AGBL4: variants seen among roughly 807,000 people sequenced by gnomAD.
AGBL4 encodes cytosolic carboxypeptidase 6.
Under a neutral mutation model 66.4 loss-of-function variants are expected in AGBL4, and 58 were observed. That is an observed-to-expected ratio of 0.87 (90% confidence interval 0.71 to 1.09). The LOEUF is 1.09. AGBL4 is among the 50% of genes least tolerant of loss of function. The probability of loss-of-function intolerance (pLI) is 0.00; values close to 1 mark genes in which losing one functional copy is unlikely to be tolerated. For missense variants in AGBL4, 579 were observed against 631.0 expected, an observed-to-expected ratio of 0.92 and a Z score of 0.88; for synonymous variants, 234 against 222.9, an observed-to-expected ratio of 1.05 and a Z score of -0.44.
chr1:49,765,132 AC>A, intron 2 of AGBL4, among the ~76,000 whole-genome samples: 1 of 151,632 alleles, frequency 6.6e-6, no homozygotes, highest in East Asian at 1.9e-4. Flanking sequence ...GTGTCCCTCC[AC>A]CCCCCATGGA....
intron 3 of AGBL4, among the ~76,000 whole-genome samples, chr1:49,376,601 A>G (rs1244883769): frequency 3.9e-5 from 6 of 152,110 alleles, no homozygotes; most frequent in Middle Eastern, 3.4e-3. Flanking sequence ...ACCTGAACTA[A>G]TATTTGTAAA....
At chr1:48,977,733 A>G (rs947362796) in intron 5 of AGBL4, among the ~76,000 whole-genome samples, 4 of 152,094 alleles carry the variant, frequency 2.6e-5, no homozygotes, top group African/African-American at 4.8e-5. Context: ...TTGGCTGGGG[A>G]GACTGATCCC....
intron 9 of AGBL4, 122 bp downstream of exon 9, chr1:48,634,371 C>T (rs1369693638): frequency 2.8e-6 from 2 of 718,916 alleles, no homozygotes; most frequent in Non-Finnish European, 4.7e-6. Context: ...AGGCCTAGTG[C>T]CTCCCTGGTT....
chr1:48,959,697 G>A (rs1427147250), intron 5 of AGBL4, among the ~76,000 whole-genome samples: 1 of 152,216 alleles, frequency 6.6e-6, no homozygotes, highest in Non-Finnish European at 1.5e-5. Flanking sequence ...TGAGCCATGA[G>A]AATATCTAGA....
At chr1:48,693,032 A>G (rs1278701827) in intron 6 of AGBL4, among the ~76,000 whole-genome samples, 3 of 152,242 alleles carry the variant, frequency 2.0e-5, no homozygotes, top group African/African-American at 7.2e-5. Flanking sequence ...AGAAAGATGC[A>G]GGATTCAATC....
chr1:48,974,263 GA>G (rs1659144285), intron 5 of AGBL4, among the ~76,000 whole-genome samples: 1 of 152,120 alleles, frequency 6.6e-6, no homozygotes, highest in Non-Finnish European at 1.5e-5. Context: ...CCTGTCAGAA[GA>G]GTCCCCCATT....
intron 6 of AGBL4, among the ~76,000 whole-genome samples, chr1:48,715,036 G>A (rs113530951): frequency 0.029 from 4,434 of 152,312 alleles, 82 homozygotes; most frequent in South Asian, 0.096. Flanking sequence ...GGAAAAGGAC[G>A]AGAGAGTACC....
At chr1:49,948,017 A>AATATATATTT (rs1655478341) in intron 1 of AGBL4, among the ~76,000 whole-genome samples, 2 of 22,022 alleles carry the variant, frequency 9.1e-5, no homozygotes, top group African/African-American at 5.0e-4. Flanking sequence ...TAAATATATA[A>AATATATATTT]ATATATATAA....
chr1:48,629,356 C>T (rs896993803), intron 9 of AGBL4, among the ~76,000 whole-genome samples: 7 of 152,062 alleles, frequency 4.6e-5, no homozygotes, highest in Non-Finnish European at 7.3e-5. Context: ...CCATGGACAG[C>T]GGGTAAGCTC....
At chr1:48,917,034 G>A (rs967430877) in intron 5 of AGBL4, among the ~76,000 whole-genome samples, 2 of 151,986 alleles carry the variant, frequency 1.3e-5, no homozygotes, top group African/African-American at 4.8e-5. Flanking sequence ...AGAAAAAGAA[G>A]GAAAATGTTA....
At chr1:48,660,008 G>A (rs144940953) in intron 7 of AGBL4, among the ~76,000 whole-genome samples, 23 of 152,356 alleles carry the variant, frequency 1.5e-4, no homozygotes, top group African/African-American at 4.3e-4. Flanking sequence ...ATTGCAGTAA[G>A]GGGAGGAGCT....
At chr1:49,828,035 T>C (rs929537248) in intron 2 of AGBL4, among the ~76,000 whole-genome samples, 1 of 152,196 alleles carries the variant, frequency 6.6e-6, no homozygotes, top group Non-Finnish European at 1.5e-5. Context: ...ATGTGCATAA[T>C]TGCATTTTTA....
intron 9 of AGBL4, among the ~76,000 whole-genome samples, chr1:48,624,889 GGTGTGTGT>G (rs56678913): frequency 0.018 from 2,637 of 147,838 alleles, 74 homozygotes; most frequent in African/African-American, 0.054. Context: ...GTTAATTCCA[GGTGTGTGT>G]GTGTGTGTGT....
intron 6 of AGBL4, among the ~76,000 whole-genome samples, chr1:48,760,542 G>A (rs567515953): frequency 6.6e-6 from 1 of 152,320 alleles, no homozygotes; most frequent in South Asian, 2.1e-4. Flanking sequence ...CAATATGTCT[G>A]CGTCACTATA....
chr1:48,856,940 G>T (rs1158718690), intron 6 of AGBL4, among the ~76,000 whole-genome samples: 1 of 152,034 alleles, frequency 6.6e-6, no homozygotes, highest in Non-Finnish European at 1.5e-5. Flanking sequence ...GGACTGAAAG[G>T]GATAATATCA....
At chr1:48,917,797 G>A (rs1653722228) in intron 5 of AGBL4, among the ~76,000 whole-genome samples, 1 of 152,186 alleles carries the variant, frequency 6.6e-6, no homozygotes, top group African/African-American at 2.4e-5. Flanking sequence ...GCAAAACCTG[G>A]TTGAAACAGA....
chr1:49,334,206 G>A (rs571360681), intron 3 of AGBL4, among the ~76,000 whole-genome samples: 8 of 148,516 alleles, frequency 5.4e-5, no homozygotes, highest in East Asian at 1.9e-4. Flanking sequence ...ATTTAAGTAC[G>A]TAGATAAGGA....
chr1:49,386,265 ATGTGTG>A (rs35497867), intron 3 of AGBL4, among the ~76,000 whole-genome samples: 168 of 148,554 alleles, frequency 1.1e-3, no homozygotes, highest in African/African-American at 1.6e-3. Flanking sequence ...GGATGGATGG[ATGTGTG>A]TGTGTGTGTG....
intron 4 of AGBL4, among the ~76,000 whole-genome samples, chr1:49,121,468 G>A (rs1033331144): frequency 5.3e-5 from 8 of 152,242 alleles, no homozygotes; most frequent in East Asian, 3.9e-4. Context: ...GTCCCTCAGC[G>A]GCAGGTCTGT....
Sources: allele counts gnomAD v4.1 joint callset (sites outside exome capture counted in the v4.1 genomes callset), GRCh38; gene constraint gnomAD v4.1.1; transcripts MANE v1.5; gene names NCBI Gene and HGNC (gene_info 2026-07-23, HGNC 2026-07-21).